The following ALCAM variants were observed in gnomAD, a reference collection of about 807,000 sequenced individuals.
ALCAM encodes CD166 antigen.
A neutral mutation model predicts 70.9 loss-of-function variants in ALCAM; 30 were observed. The observed-to-expected ratio is 0.42, with a 90% CI of 0.32 to 0.57. The LOEUF (loss-of-function observed/expected upper bound fraction) is 0.57. Among genes scored for constraint, ALCAM ranks in the 20% least tolerant of loss-of-function variants. ALCAM has a pLI of 0.11. For missense variants in ALCAM, 591 were observed against 695.1 expected (o/e 0.85, Z 1.68); for synonymous variants, 249 against 242.5 (o/e 1.03, Z -0.25).
chr3:105,497,317 TAAG>T (rs1938774246), intron 1 of ALCAM, among the ~76,000 whole-genome samples: 1 of 152,196 alleles, frequency 6.6e-6, no homozygotes, highest in Non-Finnish European at 1.5e-5. Flanking sequence ...TAAGGAACTT[TAAG>T]TTCTTTTGCC....
chr3:105,458,187 A>G (rs1937559551), intron 1 of ALCAM, among the ~76,000 whole-genome samples: 1 of 152,146 alleles, frequency 6.6e-6, no homozygotes, highest in Non-Finnish European at 1.5e-5. Context: ...GGTTAGATAT[A>G]TTGCAAATCA....
At chr3:105,547,932 T>C (rs1340874938) in intron 11 of ALCAM, among the ~76,000 whole-genome samples, 1 of 151,502 alleles carries the variant, frequency 6.6e-6, no homozygotes, top group Non-Finnish European at 1.5e-5. Flanking sequence ...GCTCAACTTA[T>C]GCACATTAAG....
chr3:105,496,565 C>G (rs1448290042), intron 1 of ALCAM, among the ~76,000 whole-genome samples: 1 of 152,132 alleles, frequency 6.6e-6, no homozygotes, highest in Non-Finnish European at 1.5e-5. Flanking sequence ...CCCTCATTGT[C>G]TTCGCTTTTG....
intron 1 of ALCAM, among the ~76,000 whole-genome samples, chr3:105,435,603 A>G (rs1281360679): frequency 6.6e-6 from 1 of 152,188 alleles, no homozygotes; most frequent in Admixed American, 6.5e-5. Context: ...TTACATAAAA[A>G]TGAAATTTAT....
At chr3:105,403,905 C>T (rs1936154463) in intron 1 of ALCAM, among the ~76,000 whole-genome samples, 1 of 151,000 alleles carries the variant, frequency 6.6e-6, no homozygotes, top group African/African-American at 2.4e-5. Context: ...ATCACAACTT[C>T]TAGAAATCAA....
At chr3:105,471,976 A>G (rs144310385) in intron 1 of ALCAM, among the ~76,000 whole-genome samples, 2,454 of 151,528 alleles carry the variant, frequency 0.016, 75 homozygotes, top group African/African-American at 0.056. Context: ...GCCTCTGGTA[A>G]CCACCATTCT....
chr3:105,572,154 G>A (rs1940871738), intron 15 of ALCAM, among the ~76,000 whole-genome samples, 190 bp downstream of exon 15: 1 of 152,026 alleles, frequency 6.6e-6, no homozygotes, highest in Non-Finnish European at 1.5e-5. Context: ...ATGTTACGCT[G>A]GTATAAACGT....
intron 1 of ALCAM, among the ~76,000 whole-genome samples, chr3:105,517,756 T>A (rs1939419912): frequency 6.6e-6 from 1 of 152,152 alleles, no homozygotes; most frequent in Non-Finnish European, 1.5e-5. Flanking sequence ...AAGATATGAA[T>A]GGCTTTAGAG....
intron 1 of ALCAM, among the ~76,000 whole-genome samples, chr3:105,498,045 A>AAG (rs768487429): frequency 2.3e-4 from 34 of 148,402 alleles, no homozygotes; most frequent in Non-Finnish European, 3.6e-4. Flanking sequence ...AAAAAAAAAA[A>AAG]GGGGGGAAAT....
chr3:105,376,108 A>G (rs1221317150), intron 1 of ALCAM, among the ~76,000 whole-genome samples: 1 of 151,994 alleles, frequency 6.6e-6, no homozygotes, highest in African/African-American at 2.4e-5. Context: ...GAGAGGAGAG[A>G]GAAAGACAGA....
At chr3:105,367,598 G>A in intron 1 of ALCAM, 117 bp downstream of exon 1, 1 of 1,203,836 alleles carries the variant, frequency 8.3e-7, no homozygotes, top group South Asian at 1.3e-5. Flanking sequence ...TGGAGGTAAG[G>A]GGACCGCTGT....
chr3:105,367,178 G>T lies in ALCAM; in HGVS notation c.-231G>T, dbSNP rs1935079995. 3.7e-6 allele frequency: 2 copies of T among 545,318 alleles called. No homozygotes were observed. The highest frequency in any genetic ancestry group is 3.2e-5 in the Admixed American group (1 of 31,406). The allele number at this position is 545,318 out of a possible 1,614,324, so 33.8% of individuals were successfully genotyped here. A position where few individuals can be genotyped will look rare whatever the true frequency, so the allele number is the denominator to read the frequency against. Reference sequence around the variant, plus strand: ...CCCCGGAGGAGCAGCCGAAGGGCCCGTGGGCTGGTGTTGACCGGGAGGGAG... The same window carrying T: ...CCCCGGAGGAGCAGCCGAAGGGCCCTTGGGCTGGTGTTGACCGGGAGGGAG... On this transcript the variant is annotated 5_prime_UTR_variant, in exon 1 of 16. Coordinates refer to ENST00000306107, the MANE Select transcript of ALCAM (RefSeq NM_001627.4).
intron 1 of ALCAM, among the ~76,000 whole-genome samples, chr3:105,504,025 C>A (rs1938995170): frequency 1.3e-5 from 2 of 152,196 alleles, no homozygotes; most frequent in African/African-American, 4.8e-5. Context: ...TAACTTTCAG[C>A]ACTCGTTGTA....
intron 1 of ALCAM, among the ~76,000 whole-genome samples, chr3:105,414,622 C>A (rs1027319735): frequency 2.6e-5 from 4 of 152,014 alleles, no homozygotes; most frequent in Admixed American, 2.6e-4. Context: ...AAGCTCAGAG[C>A]ATGTTCAGGG....
At chr3:105,387,447 C>A (rs1377706662) in intron 1 of ALCAM, among the ~76,000 whole-genome samples, 1 of 151,346 alleles carries the variant, frequency 6.6e-6, no homozygotes, top group Non-Finnish European at 1.5e-5. Context: ...CATTGATTCT[C>A]ACAGCAGAAC....
chr3:105,487,105 G>A (rs997450884), intron 1 of ALCAM, among the ~76,000 whole-genome samples: 1 of 151,998 alleles, frequency 6.6e-6, no homozygotes, highest in Non-Finnish European at 1.5e-5. Context: ...GGTGAAACCA[G>A]TTAAGATGCA....
chr3:105,455,719 C>G (rs951577019), intron 1 of ALCAM, among the ~76,000 whole-genome samples: 2 of 152,320 alleles, frequency 1.3e-5, no homozygotes, highest in East Asian at 1.9e-4. Flanking sequence ...GAGCGACCAC[C>G]GCCTTTCCAG....
rs148743323 is a variant in ALCAM at position 105,393,905 on chromosome 3, T to C, written c.73+26424T>C. On this transcript the variant is annotated intron_variant, in intron 1 of 15. Transcript: ENST00000306107. ...AGATACATGTAAGTTTTCCACATGA[T>C]TTGGAATTTATATTATCTAAATTTT... Among the ~76,000 whole-genome samples, 861 of 152,020 alleles carry C rather than the reference T, an allele frequency of 5.7e-3. 7 individuals are homozygous for C. Among genetic ancestry groups the C allele is most frequent in the African/African-American group, 0.02 (831 of 41,516 alleles).
chr3:105,412,506 A>G (rs1230773222), intron 1 of ALCAM, among the ~76,000 whole-genome samples: 4 of 152,134 alleles, frequency 2.6e-5, no homozygotes, highest in Non-Finnish European at 5.9e-5. Flanking sequence ...ATCCATATGG[A>G]CTTCATTTTA....
Sources: gnomAD v4.1 joint callset for allele counts (sites outside exome capture counted in the v4.1 genomes callset) on GRCh38, gnomAD v4.1.1 for gene constraint, MANE v1.5 for transcripts, NCBI Gene and HGNC (gene_info 2026-07-23, HGNC 2026-07-21) for gene names.